PCDH15: variants seen among roughly 807,000 people sequenced by gnomAD.
The protein encoded by PCDH15 is protocadherin-15.
A neutral mutation model predicts 178.5 loss-of-function variants in PCDH15; 129 were observed. That is an observed-to-expected ratio of 0.72 (90% CI 0.63 to 0.84). The LOEUF is 0.84. PCDH15 is among the 40% of genes least tolerant of loss of function. The pLI is 0.00. For synonymous variants in PCDH15, 800 were observed against 732.0 expected (o/e 1.09, Z -1.50); for missense variants, 2,230 against 2,099.9 (o/e 1.06, Z -1.21).
chr10:54,822,531 T>C (rs1025956279), intron 3 of PCDH15, among the ~76,000 whole-genome samples: 4 of 152,194 alleles, frequency 2.6e-5, no homozygotes, highest in African/African-American at 9.7e-5. Flanking sequence ...TATCTATTCA[T>C]CTTTTGATGA....
chr10:55,368,254 C>T (rs1845414912), intron 2 of PCDH15, among the ~76,000 whole-genome samples: 1 of 152,050 alleles, frequency 6.6e-6, no homozygotes, highest in African/African-American at 2.4e-5. Context: ...TTTCAGTGTA[C>T]ACATAACATC....
At chr10:53,956,959 T>C (rs1368369737) in intron 23 of PCDH15, among the ~76,000 whole-genome samples, 1 of 152,198 alleles carries the variant, frequency 6.6e-6, no homozygotes, top group East Asian at 1.9e-4. Context: ...AAACATGGCA[T>C]TAAGCAAAGA....
intron 3 of PCDH15, among the ~76,000 whole-genome samples, chr10:54,408,962 A>T (rs975071279): frequency 1.3e-5 from 2 of 152,114 alleles, no homozygotes; most frequent in African/African-American, 4.8e-5. Flanking sequence ...TAGCTCCCAT[A>T]ATTCCCTCAT....
At chr10:55,183,800 C>G (rs972014132) in intron 1 of PCDH15, among the ~76,000 whole-genome samples, 2 of 151,682 alleles carry the variant, frequency 1.3e-5, no homozygotes, top group African/African-American at 4.8e-5. Context: ...TTTTGTTTGT[C>G]CTGGACAGTA....
intron 18 of PCDH15, among the ~76,000 whole-genome samples, chr10:54,049,351 G>C (rs1218765049): frequency 6.6e-6 from 1 of 152,074 alleles, no homozygotes; most frequent in East Asian, 1.9e-4. Flanking sequence ...CTACTTGGAT[G>C]TCTTTTATTT....
chr10:54,051,283 A>T (rs1009618205), intron 18 of PCDH15, among the ~76,000 whole-genome samples: 2 of 152,176 alleles, frequency 1.3e-5, no homozygotes, highest in African/African-American at 4.8e-5. Context: ...TCAGAAGAAG[A>T]TCTAAAAATG....
At chr10:54,410,456 G>A (rs1953327658) in intron 3 of PCDH15, among the ~76,000 whole-genome samples, 1 of 152,062 alleles carries the variant, frequency 6.6e-6, no homozygotes, top group Non-Finnish European at 1.5e-5. Flanking sequence ...GGGTTCAAAG[G>A]CAATTGTGTT....
At chr10:55,038,042 T>C (rs1840779349) in intron 2 of PCDH15, among the ~76,000 whole-genome samples, 1 of 152,144 alleles carries the variant, frequency 6.6e-6, no homozygotes, top group South Asian at 2.1e-4. Context: ...CTAGATAAAA[T>C]ATATTAATCA....
At chr10:54,489,621 A>C (rs1276708041) in intron 3 of PCDH15, among the ~76,000 whole-genome samples, 1 of 152,180 alleles carries the variant, frequency 6.6e-6, no homozygotes, top group Non-Finnish European at 1.5e-5. Context: ...ACAGGCATAC[A>C]TTAGAGAGAA....
At chr10:54,883,117 A>G (rs766701102) in intron 3 of PCDH15, among the ~76,000 whole-genome samples, 3 of 151,930 alleles carry the variant, frequency 2.0e-5, no homozygotes, top group Non-Finnish European at 4.4e-5. Context: ...CTCTGGACCA[A>G]ACCTTATCTT....
At chr10:54,512,184 G>A (rs2081744701) in intron 3 of PCDH15, among the ~76,000 whole-genome samples, 1 of 152,012 alleles carries the variant, frequency 6.6e-6, no homozygotes, top group Admixed American at 6.6e-5. Flanking sequence ...AAGTTTCCAT[G>A]ATATAAATTT....
chr10:54,383,742 T>C (rs1305285690), intron 3 of PCDH15, among the ~76,000 whole-genome samples: 1 of 150,840 alleles, frequency 6.6e-6, no homozygotes, highest in African/African-American at 2.4e-5. Flanking sequence ...AAGAAGAGTA[T>C]AGAATCTAAT....
chr10:54,902,843 G>T (rs1454471), intron 2 of PCDH15, among the ~76,000 whole-genome samples: 92,472 of 151,850 alleles, frequency 0.61, 28,872 homozygotes, highest in African/African-American at 0.73. Flanking sequence ...GAGGGAAAGA[G>T]CATGGGCTTT....
intron 2 of PCDH15, among the ~76,000 whole-genome samples, chr10:55,438,138 C>T (rs915421038): frequency 1.6e-4 from 24 of 151,740 alleles, no homozygotes; most frequent in African/African-American, 5.3e-4. Flanking sequence ...CCTGGCCTCT[C>T]TTTCTTATTT....
chr10:54,960,892 A>G (rs1838628901), intron 2 of PCDH15, among the ~76,000 whole-genome samples: 1 of 152,364 alleles, frequency 6.6e-6, no homozygotes, highest in Non-Finnish European at 1.5e-5. Flanking sequence ...ACAGATTCTG[A>G]TAACAGATCA....
At chr10:55,114,998 ATAGT>A (rs1193844281) in intron 2 of PCDH15, among the ~76,000 whole-genome samples, 2 of 152,234 alleles carry the variant, frequency 1.3e-5, no homozygotes, top group Non-Finnish European at 2.9e-5. Flanking sequence ...CAATAATGAA[ATAGT>A]TAATGTTAAG....
chr10:53,965,477 A>G (rs1808727082), intron 21 of PCDH15, among the ~76,000 whole-genome samples: 2 of 152,234 alleles, frequency 1.3e-5, no homozygotes, highest in African/African-American at 4.8e-5. Context: ...CTAAAACCGA[A>G]GTCTTTTAAT....
At chr10:54,584,299 C>T (rs1034212415) in intron 2 of PCDH15, among the ~76,000 whole-genome samples, 1 of 152,058 alleles carries the variant, frequency 6.6e-6, no homozygotes, top group Non-Finnish European at 1.5e-5. Flanking sequence ...GAGACTGAGG[C>T]AGAAGGATCA....
At chr10:54,432,052 A>G (rs1247825201) in intron 3 of PCDH15, among the ~76,000 whole-genome samples, 1 of 152,038 alleles carries the variant, frequency 6.6e-6, no homozygotes, top group Non-Finnish European at 1.5e-5. Context: ...CAAAAGACTG[A>G]TGAAAGAATT....
Sources: allele counts gnomAD v4.1 joint callset (sites outside exome capture counted in the v4.1 genomes callset), GRCh38; gene constraint gnomAD v4.1.1; transcripts MANE v1.5; gene names NCBI Gene and HGNC (gene_info 2026-07-23, HGNC 2026-07-21).